The following TAOK1 variants were observed in gnomAD, a reference collection of about 807,000 sequenced individuals.
The protein encoded by TAOK1 is TAO kinase 1.
TAOK1 carries 21 observed loss-of-function variants against 138.3 expected under a neutral mutation model. The observed-to-expected ratio is 0.15, with a 90% confidence interval of 0.11 to 0.22. The LOEUF (loss-of-function observed/expected upper bound fraction) is 0.22. TAOK1 is among the 10% of genes least tolerant of loss of function. The pLI, the probability that TAOK1 is intolerant of heterozygous loss-of-function variation, is 1.00. For missense variants in TAOK1, 651 were observed against 1,227.7 expected, an observed-to-expected ratio of 0.53 and a Z score of 7.02; for synonymous variants, 361 against 398.4, an observed-to-expected ratio of 0.91 and a Z score of 1.12.
intron 4 of TAOK1, among the ~76,000 whole-genome samples, chr17:29,475,973 T>A (rs2030933903): frequency 6.6e-6 from 1 of 152,214 alleles, no homozygotes; most frequent in Non-Finnish European, 1.5e-5. Flanking sequence ...ACTGCAGAGA[T>A]TTTTCAGAAT....
chr17:29,434,431 C>G (rs1390951929), intron 1 of TAOK1, among the ~76,000 whole-genome samples: 1 of 152,082 alleles, frequency 6.6e-6, no homozygotes, highest in Non-Finnish European at 1.5e-5. Flanking sequence ...AAGAGGGAAG[C>G]AGGCCTCCCT....
intron 1 of TAOK1, among the ~76,000 whole-genome samples, chr17:29,392,278 C>T (rs900663479): frequency 2.0e-5 from 3 of 152,110 alleles, no homozygotes; most frequent in Non-Finnish European, 2.9e-5. Flanking sequence ...GGCATTTCTC[C>T]CTAAGCTGTG....
intron 1 of TAOK1, among the ~76,000 whole-genome samples, chr17:29,441,853 G>A (rs1433975933): frequency 6.6e-6 from 1 of 151,452 alleles, no homozygotes; most frequent in South Asian, 2.1e-4. Context: ...TGCCAAGGTC[G>A]CCGCCTCTGC....
chr17:29,527,685 A>C (rs1282521742), intron 17 of TAOK1, among the ~76,000 whole-genome samples: 1 of 152,196 alleles, frequency 6.6e-6, no homozygotes, highest in Non-Finnish European at 1.5e-5. Flanking sequence ...TGCATGATGA[A>C]TCAACCAGCC....
intron 1 of TAOK1, among the ~76,000 whole-genome samples, chr17:29,430,758 C>T (rs997831212): frequency 7.9e-5 from 12 of 152,150 alleles, no homozygotes; most frequent in Non-Finnish European, 1.5e-5. Context: ...TTATGGGAGG[C>T]AGAAGGACTG....
At chr17:29,514,412 G>C (rs112075137) in intron 15 of TAOK1, 1 of 152,282 alleles carries the variant, frequency 6.6e-6, no homozygotes, top group East Asian at 1.9e-4. Flanking sequence ...CCATGCTGGA[G>C]TGCAGTGGCA....
chr17:29,538,297 A>AT (rs1019560015), intron 19 of TAOK1, among the ~76,000 whole-genome samples: 2 of 152,058 alleles, frequency 1.3e-5, no homozygotes, highest in African/African-American at 4.8e-5. Context: ...TGATAGGTTG[A>AT]TTTTTTTCTC....
chr17:29,454,891 C>T (rs532294801), intron 2 of TAOK1, among the ~76,000 whole-genome samples: 8 of 151,630 alleles, frequency 5.3e-5, no homozygotes, highest in African/African-American at 9.7e-5. Context: ...TTAGTAGAGA[C>T]GGGGTTTCAC....
chr17:29,459,770 T>C (rs1031799146), intron 2 of TAOK1, among the ~76,000 whole-genome samples: 1 of 152,220 alleles, frequency 6.6e-6, no homozygotes, highest in African/African-American at 2.4e-5. Flanking sequence ...TACCTAATAG[T>C]TGGATTGCTG....
chr17:29,523,074 C>CAA (rs35989910), intron 17 of TAOK1, among the ~76,000 whole-genome samples: 52 of 110,884 alleles, frequency 4.7e-4, no homozygotes, highest in Admixed American at 6.5e-4. Flanking sequence ...GACCCTGTCT[C>CAA]AAAAAAAAAA....
chr17:29,472,585 T>C (rs1295812755), intron 3 of TAOK1, among the ~76,000 whole-genome samples: 1 of 147,412 alleles, frequency 6.8e-6, no homozygotes. Context: ...TTTTTTTTTT[T>C]TTTTTGAGAT....
At chr17:29,511,014 C>T (rs779284269) in intron 15 of TAOK1, 22 bp downstream of exon 15, 3 of 1,566,256 alleles carry the variant, frequency 1.9e-6, no homozygotes, top group East Asian at 4.6e-5. Flanking sequence ...ATAAAACTTT[C>T]CAAGCAAATT....
chr17:29,483,844 A>G (rs1386958448), intron 8 of TAOK1, among the ~76,000 whole-genome samples: 4 of 152,120 alleles, frequency 2.6e-5, no homozygotes, highest in Admixed American at 1.3e-4. Context: ...TCTTTTACCT[A>G]TGATTCTTTT....
intron 15 of TAOK1, 84 bp from the exon 16 acceptor site, chr17:29,517,369 C>T: frequency 7.4e-7 from 1 of 1,360,520 alleles, no homozygotes; most frequent in Non-Finnish European, 1.0e-6. Flanking sequence ...ATCTGCCCAC[C>T]TCGGCCTCCC....
At chr17:29,423,988 G>A (rs1396387272) in intron 1 of TAOK1, among the ~76,000 whole-genome samples, 3 of 149,912 alleles carry the variant, frequency 2.0e-5, no homozygotes, top group Admixed American at 1.3e-4. Flanking sequence ...GGCGGAGGTT[G>A]CAGTGAGCCA....
chr17:29,479,551 A>G (rs142309466), intron 6 of TAOK1, among the ~76,000 whole-genome samples: 4 of 152,334 alleles, frequency 2.6e-5, no homozygotes, highest in African/African-American at 9.6e-5. Context: ...CATAGTTGGA[A>G]TTTCAACCTA....
chr17:29,404,909 A>G (rs1341484319), intron 1 of TAOK1, among the ~76,000 whole-genome samples: 3 of 152,192 alleles, frequency 2.0e-5, no homozygotes, highest in African/African-American at 7.2e-5. Context: ...GATAGCCAAG[A>G]TTTTAGTATC....
chr17:29,513,082 A>G (rs2031753649), intron 15 of TAOK1: 3 of 112,704 alleles, frequency 2.7e-5, no homozygotes. Flanking sequence ...TTATAGGATG[A>G]TTGAAATTTT....
chr17:29,465,634 AT>A (rs1173099821), intron 2 of TAOK1, among the ~76,000 whole-genome samples: 2 of 152,080 alleles, frequency 1.3e-5, no homozygotes, highest in Non-Finnish European at 2.9e-5. Context: ...GTTTTAGAAC[AT>A]TTTGTCTTTG....
Sources: allele counts gnomAD v4.1 joint callset (sites outside exome capture counted in the v4.1 genomes callset), GRCh38; gene constraint gnomAD v4.1.1; transcripts MANE v1.5; gene names NCBI Gene and HGNC (gene_info 2026-07-23, HGNC 2026-07-21).